PLD5: variants seen among roughly 807,000 people sequenced by gnomAD.
PLD5 encodes the protein inactive phospholipase D5.
A neutral mutation model predicts 61.1 loss-of-function variants in PLD5; 36 were observed. That is an observed-to-expected ratio of 0.59 (90% confidence interval 0.45 to 0.78). PLD5 has a LOEUF of 0.78. PLD5 is among the 30% of genes least tolerant of loss of function. The probability of loss-of-function intolerance (pLI) is 0.00; values close to 1 mark genes in which losing one functional copy is unlikely to be tolerated. For synonymous variants in PLD5, 243 were observed against 242.8 expected, an observed-to-expected ratio of 1.00 and a Z score of -0.01; for missense variants, 515 against 644.4, an observed-to-expected ratio of 0.80 and a Z score of 2.17.
chr1:242,410,750 C>CG (rs1664502829), intron 1 of PLD5, among the ~76,000 whole-genome samples: 2 of 151,982 alleles, frequency 1.3e-5, no homozygotes, highest in Admixed American at 6.5e-5. Context: ...TCAAGGTCAT[C>CG]GCCAAGCAGG....
At chr1:242,213,866 T>TTC (rs1205457724) in intron 5 of PLD5, among the ~76,000 whole-genome samples, 1 of 151,666 alleles carries the variant, frequency 6.6e-6, no homozygotes, top group Non-Finnish European at 1.5e-5. Flanking sequence ...AATGGGTTTT[T>TTC]TTTTTTTGCT....
chr1:242,196,279 G>A (rs1668631099), intron 5 of PLD5, among the ~76,000 whole-genome samples: 1 of 152,214 alleles, frequency 6.6e-6, no homozygotes, highest in South Asian at 2.1e-4. Flanking sequence ...GAATTCCTGT[G>A]GAATCTTGCC....
chr1:242,303,783 A>G (rs1676192752), intron 2 of PLD5, among the ~76,000 whole-genome samples: 1 of 152,248 alleles, frequency 6.6e-6, no homozygotes, highest in Non-Finnish European at 1.5e-5. Flanking sequence ...GATCTTACCC[A>G]GTAACTACAA....
Position 242,085,234 on chromosome 1 carries a change from A to G in PLD5, c.*4620T>C, listed in dbSNP as rs1364457031. 1 of 152,204 alleles carries G rather than the reference A, an allele frequency of 6.6e-6. No homozygotes were observed. The highest frequency in any genetic ancestry group is 1.5e-5 in the Non-Finnish European group (1 of 68,032). 9.4% of individuals were successfully genotyped at this position (152,204 alleles called of 1,614,324 possible). A position where few individuals can be genotyped will look rare whatever the true frequency, so the allele number is the denominator to read the frequency against. On this transcript the variant is annotated 3_prime_UTR_variant, in exon 10 of 10. Coordinates refer to ENST00000536534, the MANE Select transcript of PLD5 (RefSeq NM_001372062.1). ...AAATGTGTAATAGTCTATTAAATGTAACTTTTTTTTTTCAAATTGCCAAAA... is the reference window on the plus strand; with the variant it reads ...AAATGTGTAATAGTCTATTAAATGTGACTTTTTTTTTTCAAATTGCCAAAA...
intron 1 of PLD5, among the ~76,000 whole-genome samples, chr1:242,394,898 T>TTATATATACA (rs1553366819): frequency 2.9e-5 from 3 of 102,614 alleles, no homozygotes; most frequent in Non-Finnish European, 5.7e-5. Flanking sequence ...ATATATATGA[T>TTATATATACA]TATATATGAA....
chr1:242,528,315 G>T (rs1669489004), upstream of PLD5, among the ~76,000 whole-genome samples: 1 of 152,112 alleles, frequency 6.6e-6, no homozygotes, highest in African/African-American at 2.4e-5. Flanking sequence ...ACTGTTCTTA[G>T]AACTTTCAGG....
intron 7 of PLD5, 23 bp from the exon 8 acceptor site, chr1:242,107,862 G>GA: frequency 1.0e-5 from 16 of 1,559,746 alleles, no homozygotes; most frequent in Non-Finnish European, 1.4e-5. Flanking sequence ...TATCCAAATA[G>GA]AAAAAATAAA....
In PLD5 at chr1:242,289,943, T is replaced by C. The variant is rs548087300; in HGVS notation, c.327-1413A>G. Among the ~76,000 whole-genome samples the C allele has an allele frequency of 1.4e-3, 208 of 149,996 alleles. 2 individuals carry two copies. Among genetic ancestry groups the C allele is most frequent in the African/African-American group, 4.8e-3 (198 of 40,912 alleles). ...TCAACCCAAAATATTATAACCAGAA[T>C]GGGCTCTGGGTATGTGGCTCAGATA... On this transcript the variant is annotated intron_variant, in intron 2 of 9. Transcript: ENST00000536534.
At chr1:242,465,657 A>ACG (rs1667253100) in intron 1 of PLD5, among the ~76,000 whole-genome samples, 1 of 152,138 alleles carries the variant, frequency 6.6e-6, no homozygotes, top group Non-Finnish European at 1.5e-5. Context: ...GGCCGGGCAC[A>ACG]GTGGCCTACG....
At chr1:242,179,789 G>A (rs975275249) in intron 5 of PLD5, among the ~76,000 whole-genome samples, 2 of 152,242 alleles carry the variant, frequency 1.3e-5, no homozygotes, top group African/African-American at 2.4e-5. Flanking sequence ...AGTGGTCCCA[G>A]CTACTCGGGA....
chr1:242,125,702 A>T (rs1334652905), intron 5 of PLD5, among the ~76,000 whole-genome samples: 2 of 152,196 alleles, frequency 1.3e-5, no homozygotes, highest in Non-Finnish European at 2.9e-5. Context: ...GGGCCCATTG[A>T]TAGTAAACTC....
At chr1:242,217,008 T>C (rs1670254320) in intron 5 of PLD5, among the ~76,000 whole-genome samples, 1 of 152,256 alleles carries the variant, frequency 6.6e-6, no homozygotes, top group African/African-American at 2.4e-5. Flanking sequence ...TACTGCTGAA[T>C]ACAGCATGGC....
chr1:242,128,147 A>G (rs1035659800), intron 5 of PLD5, among the ~76,000 whole-genome samples: 2 of 152,172 alleles, frequency 1.3e-5, no homozygotes, highest in East Asian at 3.8e-4. Flanking sequence ...TTTACAAAAA[A>G]ATAAAAAATG....
At chr1:242,369,141 T>G (rs186747202) in intron 1 of PLD5, among the ~76,000 whole-genome samples, 2 of 152,170 alleles carry the variant, frequency 1.3e-5, no homozygotes, top group African/African-American at 4.8e-5. Context: ...ACTGTCAATA[T>G]TCAAAGAAAT....
At chr1:242,505,239 A>G (rs1037682543) in intron 1 of PLD5, among the ~76,000 whole-genome samples, 1 of 152,182 alleles carries the variant, frequency 6.6e-6, no homozygotes, top group African/African-American at 2.4e-5. Context: ...CCCCCTAAAA[A>G]ACTGTCAAGT....
chr1:242,461,236 C>G (rs1667109939), intron 1 of PLD5, among the ~76,000 whole-genome samples: 1 of 152,202 alleles, frequency 6.6e-6, no homozygotes, highest in Non-Finnish European at 1.5e-5. Flanking sequence ...AGAACCCTGA[C>G]AGGGAACATC....
chr1:242,266,306 G>A (rs1574636687), intron 3 of PLD5, among the ~76,000 whole-genome samples: 1 of 152,264 alleles, frequency 6.6e-6, no homozygotes, highest in East Asian at 1.9e-4. Context: ...GCTTGAACCT[G>A]GGAGGCAGAG....
intron 1 of PLD5, among the ~76,000 whole-genome samples, chr1:242,477,523 A>G (rs1240732538): frequency 1.3e-5 from 2 of 152,222 alleles, no homozygotes; most frequent in Admixed American, 1.3e-4. Flanking sequence ...CAATGTTGGT[A>G]GTGCACTGAG....
At chr1:242,146,538 GT>G (rs1177647798) in intron 5 of PLD5, among the ~76,000 whole-genome samples, 1 of 151,812 alleles carries the variant, frequency 6.6e-6, no homozygotes, top group Non-Finnish European at 1.5e-5. Flanking sequence ...ATAATTTTAG[GT>G]TTTTTTCACA....
Sources: allele counts gnomAD v4.1 joint callset (sites outside exome capture counted in the v4.1 genomes callset), GRCh38; gene constraint gnomAD v4.1.1; transcripts MANE v1.5; gene names NCBI Gene and HGNC (gene_info 2026-07-23, HGNC 2026-07-21).